The following CDH8 variants were observed in gnomAD, a reference collection of about 807,000 sequenced individuals.
CDH8 encodes cadherin-8.
Under a neutral mutation model 68.1 loss-of-function variants are expected in CDH8, and 17 were observed. The ratio of observed to expected loss-of-function variants is 0.25; its 90% CI spans 0.17 to 0.37. CDH8 has a LOEUF of 0.37. Among genes scored for constraint, CDH8 ranks in the 10% least tolerant of loss-of-function variants. The pLI, the probability that CDH8 is intolerant of heterozygous loss-of-function variation, is 1.00. For missense variants in CDH8, 763 were observed against 999.3 expected, an observed-to-expected ratio of 0.76 and a Z score of 3.19; for synonymous variants, 372 against 365.1, an observed-to-expected ratio of 1.02 and a Z score of -0.21.
In CDH8 at chr16:61,872,876, G is replaced by C. The variant is rs190799870; in HGVS notation, c.548-15638C>G. Among the ~76,000 whole-genome samples, 36 of 152,296 alleles carry C rather than the reference G, an allele frequency of 2.4e-4. 1 individual carries two copies. The highest frequency in any genetic ancestry group is 1.5e-5 in the Non-Finnish European group (1 of 68,032). On this transcript the variant is annotated intron_variant, in intron 3 of 11. Coordinates refer to ENST00000577390, the MANE Select transcript of CDH8 (RefSeq NM_001796.5). ...CAACACAACTCAAAGAGACACTTCAGAAGGCACAGAAGCAAGAAGGCTGGG... is the reference window on the plus strand; with the variant it reads ...CAACACAACTCAAAGAGACACTTCACAAGGCACAGAAGCAAGAAGGCTGGG...
chr16:61,768,153 A>G (rs1960641910), intron 8 of CDH8, among the ~76,000 whole-genome samples: 1 of 151,962 alleles, frequency 6.6e-6, no homozygotes, highest in Non-Finnish European at 1.5e-5. Flanking sequence ...TCTAAAATTG[A>G]ATAAAATAAT....
intron 10 of CDH8, among the ~76,000 whole-genome samples, chr16:61,670,401 G>A (rs1963767499): frequency 6.6e-6 from 1 of 152,052 alleles, no homozygotes; most frequent in African/African-American, 2.4e-5. Flanking sequence ...GAGGGTGAAT[G>A]TGTAACAAGA....
At chr16:61,679,931 TG>T (rs1963982284) in intron 10 of CDH8, among the ~76,000 whole-genome samples, 1 of 152,012 alleles carries the variant, frequency 6.6e-6, no homozygotes, top group South Asian at 2.1e-4. Context: ...TTGTATTGTA[TG>T]GATATCCTTC....
intron 10 of CDH8, among the ~76,000 whole-genome samples, chr16:61,683,069 A>T (rs1964042555): frequency 6.6e-6 from 1 of 151,984 alleles, no homozygotes; most frequent in African/African-American, 2.4e-5. Flanking sequence ...TAATATTTGA[A>T]ATAAGGGTAT....
chr16:61,675,157 C>T (rs1342642507), intron 10 of CDH8, among the ~76,000 whole-genome samples: 1 of 151,718 alleles, frequency 6.6e-6, no homozygotes, highest in African/African-American at 2.4e-5. Flanking sequence ...TGAATTTAAA[C>T]AACAAAACAA....
chr16:61,742,980 A>G (rs896164360), intron 8 of CDH8, among the ~76,000 whole-genome samples: 1 of 152,128 alleles, frequency 6.6e-6, no homozygotes, highest in Non-Finnish European at 1.5e-5. Context: ...TATTTATGCC[A>G]TTTTGCAAAG....
chr16:62,034,157 C>A (rs1902394330), intron 1 of CDH8, among the ~76,000 whole-genome samples: 1 of 150,672 alleles, frequency 6.6e-6, no homozygotes. Context: ...GAATCCCACT[C>A]CCAGCCCCCA....
At chr16:61,746,191 C>T (rs141539380) in intron 8 of CDH8, among the ~76,000 whole-genome samples, 1,594 of 152,148 alleles carry the variant, frequency 0.01, 19 homozygotes, top group Middle Eastern at 0.044. Flanking sequence ...TGAAAAAACA[C>T]CCATTCTTCT....
chr16:61,865,363 T>C (rs1032107236), intron 3 of CDH8, among the ~76,000 whole-genome samples: 11 of 152,224 alleles, frequency 7.2e-5, no homozygotes, highest in Non-Finnish European at 1.6e-4. Flanking sequence ...TGAAACTTTC[T>C]GAAACAATTA....
chr16:61,864,490 T>C (rs1346290456), intron 3 of CDH8, among the ~76,000 whole-genome samples: 1 of 152,194 alleles, frequency 6.6e-6, no homozygotes, highest in Non-Finnish European at 1.5e-5. Flanking sequence ...CTCTGACTGA[T>C]ACCATAGTCT....
At chr16:61,732,078 T>A (rs1158691412) in intron 8 of CDH8, among the ~76,000 whole-genome samples, 1 of 149,068 alleles carries the variant, frequency 6.7e-6, no homozygotes, top group Non-Finnish European at 1.5e-5. Context: ...GAACAGCAGT[T>A]AAAAAAAAAT....
At chr16:61,812,701 T>C (rs1360400364) in intron 7 of CDH8, among the ~76,000 whole-genome samples, 1 of 152,176 alleles carries the variant, frequency 6.6e-6, no homozygotes, top group East Asian at 1.9e-4. Context: ...ATATAACAAC[T>C]TTTCAGAGTG....
chr16:61,794,420 T>A (rs139006985), intron 7 of CDH8, among the ~76,000 whole-genome samples: 24 of 152,204 alleles, frequency 1.6e-4, no homozygotes, highest in African/African-American at 5.8e-4. Context: ...TTATGAACTT[T>A]AAATGAGGTA....
At chr16:61,784,771 G>C (rs1056370512) in intron 8 of CDH8, among the ~76,000 whole-genome samples, 5 of 151,308 alleles carry the variant, frequency 3.3e-5, no homozygotes, top group African/African-American at 1.2e-4. Flanking sequence ...CTAGAACTCA[G>C]GATTAAGAAT....
chr16:61,771,483 A>AC lies in CDH8; in HGVS notation c.1414+17862_1414+17863insG, dbSNP rs1177994375. On this transcript the variant is annotated intron_variant, in intron 8 of 11. Transcript: ENST00000577390. ...ATTTAAAAGCCAGCCAAAAAAAAAA[A>AC]AAAAAAAAAACTTTTTTTTAACCAA... 7.5e-4 allele frequency among the ~76,000 whole-genome samples: 113 copies of AC among 151,600 alleles called. 1 individual carries two copies. Among genetic ancestry groups the AC allele is most frequent in the South Asian group, 6.0e-3 (29 of 4,810 alleles).
At chr16:61,910,748 A>C (rs1157934685) in intron 2 of CDH8, among the ~76,000 whole-genome samples, 1 of 152,186 alleles carries the variant, frequency 6.6e-6, no homozygotes. Context: ...TTTAGGAAAT[A>C]TAATGATGAG....
At chr16:61,844,587 C>G (rs974646664) in intron 4 of CDH8, among the ~76,000 whole-genome samples, 1 of 152,102 alleles carries the variant, frequency 6.6e-6, no homozygotes, top group Non-Finnish European at 1.5e-5. Flanking sequence ...GTAAATAAGG[C>G]AATTCCCATT....
chr16:61,705,998 T>C (rs1964522719), intron 10 of CDH8, among the ~76,000 whole-genome samples: 1 of 152,172 alleles, frequency 6.6e-6, no homozygotes, highest in Non-Finnish European at 1.5e-5. Context: ...CTTAAGGGTG[T>C]GCCTGGCACA....
chr16:61,706,125 C>T (rs981274468), intron 10 of CDH8, among the ~76,000 whole-genome samples: 2 of 152,160 alleles, frequency 1.3e-5, no homozygotes, highest in Non-Finnish European at 2.9e-5. Flanking sequence ...ATGTGTTTGC[C>T]TTAGCAGTTA....
Sources: allele counts gnomAD v4.1 joint callset (sites outside exome capture counted in the v4.1 genomes callset), GRCh38; gene constraint gnomAD v4.1.1; transcripts MANE v1.5; gene names NCBI Gene and HGNC (gene_info 2026-07-23, HGNC 2026-07-21).